The following YEATS2 variants were observed in gnomAD, a reference collection of about 807,000 sequenced individuals.
YEATS2 encodes YEATS domain-containing protein 2.
A neutral mutation model predicts 163.2 loss-of-function variants in YEATS2; 77 were observed. The ratio of observed to expected loss-of-function variants is 0.47; its 90% CI spans 0.39 to 0.57. YEATS2 has a LOEUF of 0.57. YEATS2 is among the 20% of genes least tolerant of loss of function. The probability of loss-of-function intolerance (pLI) is 0.00; values close to 1 mark genes in which losing one functional copy is unlikely to be tolerated. For missense variants in YEATS2, 1,549 were observed against 1,729.8 expected, an observed-to-expected ratio of 0.90 and a Z score of 1.85; for synonymous variants, 631 against 645.1, an observed-to-expected ratio of 0.98 and a Z score of 0.33.
At position 183,773,745 on chromosome 3, in the gene YEATS2, ACTG is replaced by A; in HGVS notation, c.2326_2328del (p.Leu776del). 6.2e-7 allele frequency: 1 copy of A among 1,613,372 alleles called. No individual in the cohort carries two copies. ...GCAAGAACCCTTCAGGAAAAGGAAA[ACTG>A]CTGCTGATCCCTCAAGGAGCCATCC... On this transcript the variant is annotated inframe_deletion, in exon 17 of 31. Transcript: ENST00000305135.
chr3:183,798,867 C>A (rs776722182), intron 22 of YEATS2, 24 bp from the exon 23 acceptor site: 3 of 1,547,250 alleles, frequency 1.9e-6, no homozygotes, highest in Admixed American at 1.7e-5. Context: ...TTTGTTATAT[C>A]CCTCCCTCCT....
chr3:183,802,480 CTT>C (rs1491579388), intron 25 of YEATS2: 2 of 99,212 alleles, frequency 2.0e-5, no homozygotes, highest in Admixed American at 1.1e-4. Context: ...AAAAATCTCT[CTT>C]ATATATGTGT....
At position 183,762,102 on chromosome 3, in the gene YEATS2, C is replaced by T. The variant is rs745311784; in HGVS notation, c.1770C>T (p.Ile590=). 5 of 1,614,052 alleles carry T rather than the reference C, an allele frequency of 3.1e-6. No individual in the cohort carries two copies. The Admixed American group carries it at 8.3e-5, about 27-fold the overall frequency. ...GTCATTATGTTTGTTGCAAGGTGAT[C>T]ATCAAACAGGAACCTGGTGAAGCCC... ...TGGLGAFTKV[I]IKQEPGEAPH... Residue 590 remains isoleucine (I), a synonymous_variant, in exon 15 of 31, where the codon ATC becomes ATT. Coordinates refer to ENST00000305135, the MANE Select transcript of YEATS2 (RefSeq NM_018023.5).
intron 21 of YEATS2, among the ~76,000 whole-genome samples, chr3:183,793,761 T>C: frequency 6.6e-6 from 1 of 152,026 alleles, no homozygotes; most frequent in East Asian, 1.9e-4. Context: ...TATAGGCGTG[T>C]GCCACCACGT....
At chr3:183,698,295 G>GTTAA (rs1321920150) in intron 1 of YEATS2, among the ~76,000 whole-genome samples, 1 of 152,210 alleles carries the variant, frequency 6.6e-6, no homozygotes, top group Admixed American at 6.5e-5. Context: ...CTTTTAGGAT[G>GTTAA]TTAAGCTCTT....
At position 183,752,210 on chromosome 3, in the gene YEATS2, A is replaced by G; in HGVS notation, c.1107A>G (p.Ile369Met). Residue 369 changes from isoleucine (I) to methionine (M), a missense_variant, in exon 10 of 31, where the codon ATA becomes ATG. Transcript: ENST00000305135. ...CCCCAGTGAAAGCTTCTTCACCAATAAAGCAGTCACATGAGCCAGTACCCG... is the reference window on the plus strand; with the variant it reads ...CCCCAGTGAAAGCTTCTTCACCAATGAAGCAGTCACATGAGCCAGTACCCG... Reference protein sequence around the residue: ...IPAPVKASSPIKQSHEPVPDT... With the variant: ...IPAPVKASSPMKQSHEPVPDT... 1 of 1,614,162 alleles carries G rather than the reference A, an allele frequency of 6.2e-7. No homozygotes were observed. The highest frequency in any genetic ancestry group is 1.1e-5 in the South Asian group (1 of 91,086).
rs778023252 is a variant in YEATS2, at chr3:183,786,304, G to A, written c.2913+3G>A. 6.2e-7 allele frequency: 1 copy of A among 1,605,436 alleles called. No individual in the cohort carries two copies. Among genetic ancestry groups the A allele is most frequent in the East Asian group, 2.2e-5 (1 of 44,656 alleles). ...CAGCAAACGGTCCTGCACAACAGGTGAGAAATAGCATGTCAGTAGAGAATC... is the reference window on the plus strand; with the variant it reads ...CAGCAAACGGTCCTGCACAACAGGTAAGAAATAGCATGTCAGTAGAGAATC... On this transcript the variant is annotated splice_donor_region_variant and intron_variant, in intron 20 of 30. Transcript: ENST00000305135.
intron 15 of YEATS2, among the ~76,000 whole-genome samples, chr3:183,769,656 G>A (rs1450791081): frequency 6.6e-6 from 1 of 152,068 alleles, no homozygotes; most frequent in Non-Finnish European, 1.5e-5. Context: ...TCTTTGTGAC[G>A]CTATAGTTTA....
intron 20 of YEATS2, among the ~76,000 whole-genome samples, chr3:183,788,227 C>T (rs556742640): frequency 6.6e-6 from 1 of 152,086 alleles, no homozygotes; most frequent in South Asian, 2.1e-4. Flanking sequence ...GTTGTGCTAT[C>T]AAATACTAGA....
In YEATS2 at chr3:183,800,452, C is replaced by T. The variant is rs749350978; in HGVS notation, c.3326-14C>T. 3 of 1,599,510 alleles carry T rather than the reference C, an allele frequency of 1.9e-6. No individual in the cohort carries two copies. The Middle Eastern group carries it at 5.0e-4, about 267-fold the overall frequency. On this transcript the variant is annotated splice_polypyrimidine_tract_variant and intron_variant, in intron 23 of 30. Transcript: ENST00000305135. ...ACCCCTAACAGCTGCCTCTTTGTTGCTCTTCCCTTGTAGTGAAGACTGAAC... is the reference window on the plus strand; with the variant it reads ...ACCCCTAACAGCTGCCTCTTTGTTGTTCTTCCCTTGTAGTGAAGACTGAAC...
Position 183,754,119 on chromosome 3 carries a change from C to A in YEATS2, c.1151-7C>A, listed in dbSNP as rs577701980. Reference sequence around the variant, plus strand: ...GACTTGCCGTTTGCCTCTTTCATCTCAAGCAGGATTCCCAGCTAGCACTGA... The same window carrying A: ...GACTTGCCGTTTGCCTCTTTCATCTAAAGCAGGATTCCCAGCTAGCACTGA... On this transcript the variant is annotated splice_polypyrimidine_tract_variant and splice_region_variant and intron_variant, in intron 10 of 30. Transcript: ENST00000305135. 1.3e-6 allele frequency: 2 copies of A among 1,539,598 alleles called. No homozygotes were observed. The highest frequency in any genetic ancestry group is 1.8e-6 in the Non-Finnish European group (2 of 1,134,918).
chr3:183,770,501 A>G (rs900282614), intron 15 of YEATS2, among the ~76,000 whole-genome samples: 3 of 152,220 alleles, frequency 2.0e-5, no homozygotes, highest in African/African-American at 4.8e-5. Context: ...TTCCAGTAAC[A>G]TATGTAGAGA....
Position 183,718,528 on chromosome 3 carries a change from A to G in YEATS2, c.227A>G (p.Asp76Gly). The change falls in exon 4 of 31, where the codon GAT becomes GGT. Residue 76 changes from aspartate to glycine, a missense_variant. Asp to Gly is a moderately conservative substitution (Grantham distance 94). Coordinates refer to ENST00000305135, the MANE Select transcript of YEATS2 (RefSeq NM_018023.5). Reference protein sequence around the residue: ...QRLIEARRMMDKLRACIVANY... With the variant: ...QRLIEARRMMGKLRACIVANY... Reference sequence around the variant, plus strand: ...CTGATTGAAGCAAGAAGGATGATGGATAAACTGCGTGCCTGCATTGTAGCA... The same window carrying G: ...CTGATTGAAGCAAGAAGGATGATGGGTAAACTGCGTGCCTGCATTGTAGCA... 6.2e-7 allele frequency: 1 copy of G among 1,613,514 alleles called. No homozygotes were observed. Among genetic ancestry groups the G allele is most frequent in the African/African-American group, 1.3e-5 (1 of 75,028 alleles).
Position 183,804,134 on chromosome 3 carries a change from AG to A in YEATS2, c.3732del (p.Asn1245MetfsTer10). 3 of 1,614,150 alleles carry A rather than the reference AG, an allele frequency of 1.9e-6. No homozygotes were observed. The highest frequency in any genetic ancestry group is 2.5e-6 in the Non-Finnish European group (3 of 1,180,018). On this transcript the variant is annotated frameshift_variant, in exon 27 of 31. Coordinates refer to ENST00000305135, the MANE Select transcript of YEATS2 (RefSeq NM_018023.5). LOFTEE classifies it high-confidence loss of function. ...CACCCCACCGGACCCTGAGAGCCTG[AG>A]GAATGACGGGGACTCCATCGAGGAC... The part of the protein sequence containing the change: ...GYTPPDPESL[R>X]NDGDSIEDVL...
At chr3:183,763,838 C>T (rs1388635722) in intron 15 of YEATS2, among the ~76,000 whole-genome samples, 2 of 151,996 alleles carry the variant, frequency 1.3e-5, no homozygotes, top group Non-Finnish European at 2.9e-5. Context: ...CAGTCCAAGG[C>T]GGACAGATCA....
At chr3:183,799,789 A>G (rs1373953216) in intron 23 of YEATS2, among the ~76,000 whole-genome samples, 1 of 151,892 alleles carries the variant, frequency 6.6e-6, no homozygotes, top group East Asian at 1.9e-4. Context: ...ACGTAGAACA[A>G]ACCAGCATTG....
chr3:183,794,626 C>T (rs1195468234), intron 21 of YEATS2, among the ~76,000 whole-genome samples: 1 of 152,170 alleles, frequency 6.6e-6, no homozygotes, highest in Non-Finnish European at 1.5e-5. Flanking sequence ...AATGCGTGAC[C>T]GGCTGAGGGC....
At chr3:183,698,468 C>G (rs751774305) in intron 1 of YEATS2, among the ~76,000 whole-genome samples, 1 of 152,086 alleles carries the variant, frequency 6.6e-6, no homozygotes, top group Non-Finnish European at 1.5e-5. Context: ...CCGGGGCCAA[C>G]GCGCCGGAGC....
At position 183,775,951 on chromosome 3, in the gene YEATS2, G is replaced by C; in HGVS notation, c.2405G>C (p.Gly802Ala). The C allele has an allele frequency of 5.0e-6, 8 of 1,593,748 alleles. No individual in the cohort carries two copies. Among genetic ancestry groups the C allele is most frequent in the Non-Finnish European group, 6.8e-6 (8 of 1,172,710 alleles). The change falls in exon 18 of 31, where the codon GGT (glycine) becomes GCT (alanine). Residue 802 changes from glycine to alanine, a missense_variant. Physicochemically the swap from Gly to Ala is moderately conservative, Grantham distance 60 (BLOSUM62 0). Coordinates refer to ENST00000305135, the MANE Select transcript of YEATS2 (RefSeq NM_018023.5). ...GGCTCAGCTGCCAGTGGTGGGAGTG[G>C]TGCCGGAGGAGGAGGAGGAGGAGGA... The part of the protein sequence containing the change: ...QSGSAASGGS[G>A]AGGGGGGGGG...
Sources: allele counts gnomAD v4.1 joint callset (sites outside exome capture counted in the v4.1 genomes callset), GRCh38; gene constraint gnomAD v4.1.1; transcripts MANE v1.5; gene names NCBI Gene and HGNC (gene_info 2026-07-23, HGNC 2026-07-21).